The following GPC5 variants were observed in gnomAD, a reference collection of about 807,000 sequenced individuals.
GPC5 encodes the protein glypican 5, also known as glypican-5.
Under a neutral mutation model 53.9 loss-of-function variants are expected in GPC5, and 47 were observed. The observed-to-expected ratio is 0.87, with a 90% CI of 0.69 to 1.11. The LOEUF (loss-of-function observed/expected upper bound fraction) is 1.11, where lower values mean the gene tolerates loss of function less well. Ranked by LOEUF, GPC5 falls within the 50% of genes most tolerant of loss-of-function variation. GPC5 has a pLI of 0.00. For missense variants in GPC5, 748 were observed against 713.1 expected, an observed-to-expected ratio of 1.05 and a Z score of -0.56; for synonymous variants, 286 against 263.3, an observed-to-expected ratio of 1.09 and a Z score of -0.84.
intron 7 of GPC5, among the ~76,000 whole-genome samples, chr13:92,520,885 T>C (rs1881015693): frequency 6.6e-6 from 1 of 152,172 alleles, no homozygotes; most frequent in Non-Finnish European, 1.5e-5. Flanking sequence ...GAAATCCCCA[T>C]CATCTCAACC....
At chr13:92,460,497 A>C (rs1878435250) in intron 7 of GPC5, among the ~76,000 whole-genome samples, 1 of 152,186 alleles carries the variant, frequency 6.6e-6, no homozygotes. Flanking sequence ...GGGTCTAATA[A>C]ATTAAAAACA....
intron 7 of GPC5, among the ~76,000 whole-genome samples, chr13:92,267,749 T>C (rs1283469124): frequency 6.6e-6 from 1 of 152,130 alleles, no homozygotes; most frequent in East Asian, 1.9e-4. Flanking sequence ...CATTCACACT[T>C]GTTCATTTAC....
intron 1 of GPC5, among the ~76,000 whole-genome samples, chr13:91,443,087 A>T (rs1381218559): frequency 6.6e-6 from 1 of 152,234 alleles, no homozygotes; most frequent in Non-Finnish European, 1.5e-5. Flanking sequence ...GCAATCCATT[A>T]CAATTATTAT....
intron 2 of GPC5, among the ~76,000 whole-genome samples, chr13:91,479,408 T>C (rs1883184305): frequency 6.6e-6 from 1 of 152,144 alleles, no homozygotes; most frequent in Non-Finnish European, 1.5e-5. Context: ...AATTGTACAC[T>C]GTATGCATTT....
intron 6 of GPC5, among the ~76,000 whole-genome samples, chr13:92,099,713 G>A (rs888983786): frequency 6.6e-6 from 1 of 152,054 alleles, no homozygotes; most frequent in Admixed American, 6.6e-5. Context: ...CCTTGTCTTG[G>A]ACTCAGCCTA....
At chr13:91,636,130 T>C (rs1416988585) in intron 2 of GPC5, among the ~76,000 whole-genome samples, 1 of 152,130 alleles carries the variant, frequency 6.6e-6, no homozygotes, top group African/African-American at 2.4e-5. Flanking sequence ...TCAAAAATCA[T>C]TTTTCCAATC....
chr13:91,779,008 T>G (rs1273556451), intron 5 of GPC5, among the ~76,000 whole-genome samples: 1 of 152,178 alleles, frequency 6.6e-6, no homozygotes, highest in Non-Finnish European at 1.5e-5. Context: ...AAAGGCACAG[T>G]AGAAATACAG....
chr13:92,144,678 C>G, intron 6 of GPC5, 152 bp from the exon 7 acceptor site: 1 of 655,198 alleles, frequency 1.5e-6, no homozygotes, highest in Non-Finnish European at 2.6e-6. Context: ...ATTACTATTT[C>G]AGTTGTTTCA....
intron 2 of GPC5, among the ~76,000 whole-genome samples, chr13:91,556,851 C>A (rs953034825): frequency 9.9e-5 from 15 of 151,814 alleles, no homozygotes; most frequent in African/African-American, 3.4e-4. Context: ...AGATAAAAAA[C>A]CAAAAATTGG....
chr13:92,286,341 A>G (rs7995766), intron 7 of GPC5, among the ~76,000 whole-genome samples: 10,726 of 152,234 alleles, frequency 0.07, 1,282 homozygotes, highest in African/African-American at 0.24. Context: ...CTCCTCAAGG[A>G]TCTAGAACTA....
chr13:92,282,882 A>C (rs908730843), intron 7 of GPC5, among the ~76,000 whole-genome samples: 6 of 152,342 alleles, frequency 3.9e-5, no homozygotes, highest in African/African-American at 1.4e-4. Context: ...GATCAAATTC[A>C]CACATAACAA....
At chr13:92,363,565 G>T (rs2043585394) in intron 7 of GPC5, among the ~76,000 whole-genome samples, 1 of 151,802 alleles carries the variant, frequency 6.6e-6, no homozygotes, top group African/African-American at 2.4e-5. Flanking sequence ...ATGAGGTGGA[G>T]AGCTCAGTGG....
intron 7 of GPC5, among the ~76,000 whole-genome samples, chr13:92,801,368 C>T (rs1876900967): frequency 6.6e-6 from 1 of 151,532 alleles, no homozygotes; most frequent in Non-Finnish European, 1.5e-5. Context: ...TAGCACAGCA[C>T]ATTACCCATG....
At position 91,512,105 on chromosome 13, in the gene GPC5, C is replaced by G. The variant is rs1388450670; in HGVS notation, c.325+63183C>G. On this transcript the variant is annotated intron_variant, in intron 2 of 7. Transcript: ENST00000377067. ...AGGCTTTAAATATATTTTTTGCCAA[C>G]AGATCAGGATCTTTTCATTAGCAGA... is the stretch of plus-strand genomic sequence containing the variant. 1.3e-5 allele frequency among the ~76,000 whole-genome samples: 2 copies of G among 152,126 alleles called. 1 individual carries two copies. The highest frequency in any genetic ancestry group is 4.8e-5 in the African/African-American group (2 of 41,416).
chr13:91,589,847 C>T (rs1454793250), intron 2 of GPC5, among the ~76,000 whole-genome samples: 1 of 152,048 alleles, frequency 6.6e-6, no homozygotes, highest in East Asian at 1.9e-4. Flanking sequence ...CAAACTATAT[C>T]TTCTATGAAT....
chr13:91,501,881 A>G (rs557733940), intron 2 of GPC5, among the ~76,000 whole-genome samples: 140 of 152,280 alleles, frequency 9.2e-4, no homozygotes, highest in Admixed American at 2.2e-3. Context: ...AAGTGTTCCT[A>G]TTTCTCCACA....
chr13:92,827,700 CCTTGAT>C (rs1180715241), intron 7 of GPC5, among the ~76,000 whole-genome samples: 1 of 152,046 alleles, frequency 6.6e-6, no homozygotes, highest in Non-Finnish European at 1.5e-5. Context: ...GCCTTCGGTT[CCTTGAT>C]GACATCATTG....
chr13:92,723,983 G>A (rs148955999), intron 7 of GPC5, among the ~76,000 whole-genome samples: 10 of 151,516 alleles, frequency 6.6e-5, no homozygotes, highest in African/African-American at 9.7e-5. Flanking sequence ...TAGAGTTGGA[G>A]GTTAAGAAAA....
rs187030510 is a variant in GPC5 at position 91,490,926 on chromosome 13, T to C, written c.325+42004T>C. On this transcript the variant is annotated intron_variant, in intron 2 of 7. Coordinates refer to ENST00000377067, the MANE Select transcript of GPC5 (RefSeq NM_004466.6). ...CCACCCTTACCCCTACCAAACTCTT[T>C]TTTTTTCCACATTTGTCTACTAGTT... 7.2e-5 allele frequency among the ~76,000 whole-genome samples: 11 copies of C among 152,276 alleles called. No individual in the cohort carries two copies. In the East Asian group the frequency reaches 7.7e-4, roughly 11 times the overall value.
Sources: gnomAD v4.1 joint callset for allele counts (sites outside exome capture counted in the v4.1 genomes callset) on GRCh38, gnomAD v4.1.1 for gene constraint, MANE v1.5 for transcripts, NCBI Gene and HGNC (gene_info 2026-07-23, HGNC 2026-07-21) for gene names.